The following IRF1 variants were observed in gnomAD, a reference collection of about 807,000 sequenced individuals.
IRF1 encodes the protein interferon regulatory factor 1.
A neutral mutation model predicts 43.7 loss-of-function variants in IRF1; 13 were observed. That is an observed-to-expected ratio of 0.30 (90% confidence interval 0.19 to 0.47). IRF1 has a LOEUF of 0.47. IRF1 is among the 20% of genes least tolerant of loss of function. The probability of loss-of-function intolerance (pLI) is 0.99; values close to 1 mark genes in which losing one functional copy is unlikely to be tolerated. For missense variants in IRF1, 236 were observed against 408.9 expected, an observed-to-expected ratio of 0.58 and a Z score of 3.65; for synonymous variants, 138 against 146.8, an observed-to-expected ratio of 0.94 and a Z score of 0.43.
intron 3 of IRF1, chr5:132,487,632 GC>G: frequency 2.2e-6 from 1 of 462,736 alleles, no homozygotes; most frequent in Non-Finnish European, 3.9e-6. Flanking sequence ...CTCTTTCAGT[GC>G]CCTGGCTTAC....
chr5:132,486,449 A>T lies in IRF1; in HGVS notation c.545-76T>A, dbSNP rs747780236. The T allele has an allele frequency of 6.8e-6, 11 of 1,610,054 alleles. No homozygotes were observed. In the South Asian group the frequency reaches 1.2e-4, roughly 18 times the overall value. The stretch of plus-strand genomic sequence containing the variant: ...CAAGACATCGAGCGCCCTCCGACCA[A>T]CCCTGCAGCCTGCACTAATGGGCCA... On this transcript the variant is annotated intron_variant, in intron 6 of 9. Coordinates refer to ENST00000245414, the MANE Select transcript of IRF1 (RefSeq NM_002198.3).
rs1043631618 is a variant in IRF1, at chr5:132,483,400, G to C, written c.*551C>G. 4 of 153,072 alleles carry C rather than the reference G, an allele frequency of 2.6e-5. No individual in the cohort carries two copies. Among genetic ancestry groups the C allele is most frequent in the African/African-American group, 9.6e-5 (4 of 41,462 alleles). The allele number at this position is 153,072 out of a possible 1,614,324, so 9.5% of individuals were successfully genotyped here. A position where few individuals can be genotyped will look rare whatever the true frequency, so the allele number is the denominator to read the frequency against. On this transcript the variant is annotated 3_prime_UTR_variant, in exon 10 of 10. Transcript: ENST00000245414. ...CCAAGCCCCTCAGCCAAAGCAGGGA[G>C]CAGGGTAGAGCTCCTCTGAGGCTGA... is the stretch of plus-strand genomic sequence containing the variant.
At position 132,489,404 on chromosome 5, in the gene IRF1, G is replaced by T. The variant is rs780112343; in HGVS notation, c.75C>A (p.Ile25=). ...GAGTTACACTCACTTTATTAATCCA[G>T]ATGAGCCCCGGGATTTGGTTGGAAT... ...QINSNQIPGL[I]WINKEEMIFQ... is the part of the protein sequence containing the mutation. Residue 25 remains isoleucine (I), a synonymous_variant, in exon 2 of 10, where the codon ATC becomes ATA. Coordinates refer to ENST00000245414, the MANE Select transcript of IRF1 (RefSeq NM_002198.3). The T allele has an allele frequency of 1.2e-6, 2 of 1,613,350 alleles. No individual in the cohort carries two copies. Among genetic ancestry groups the T allele is most frequent in the South Asian group, 2.2e-5 (2 of 91,064 alleles).
chr5:132,481,965 C>T lies in IRF1; in HGVS notation c.*1986G>A, dbSNP rs991850830. ...ATCAACTGACAGCCCTGGTGATAGT[C>T]AAGGACAGGTGACTATGTTTATATA... On this transcript the variant is annotated 3_prime_UTR_variant, in exon 10 of 10. Transcript: ENST00000245414. 11 of 152,484 alleles carry T rather than the reference C, an allele frequency of 7.2e-5. No individual in the cohort carries two copies. The highest frequency in any genetic ancestry group is 2.6e-4 in the African/African-American group (11 of 41,578). 9.4% of individuals were successfully genotyped at this position (152,484 alleles called of 1,614,324 possible). A position where few individuals can be genotyped will look rare whatever the true frequency, so the allele number is the denominator to read the frequency against.
At position 132,488,025 on chromosome 5, in the gene IRF1, C is replaced by T. The variant is rs1457620080; in HGVS notation, c.88G>A (p.Glu30Lys). Residue 30 changes from glutamate (E) to lysine (K), a missense_variant and splice_region_variant, in exon 3 of 10, where the codon GAG (glutamate) becomes AAG (lysine). Around this residue, in one of 2 missense-constraint regions of IRF1, gnomAD observed 66 missense variants for 157.1 expected, o/e 0.42. Coordinates refer to ENST00000245414, the MANE Select transcript of IRF1 (RefSeq NM_002198.3). The stretch of plus-strand genomic sequence containing the variant: ...CATGGGATCTGGAAGATCATCTCCT[C>T]CTGAACAATACACACATACACATAA... Reference protein sequence around the residue: ...QIPGLIWINKEEMIFQIPWKH... With the variant: ...QIPGLIWINKKEMIFQIPWKH... 1 of 1,607,530 alleles carries T rather than the reference C, an allele frequency of 6.2e-7. No homozygotes were observed. Among genetic ancestry groups the T allele is most frequent in the Non-Finnish European group, 8.5e-7 (1 of 1,174,994 alleles).
chr5:132,489,760 G>C (rs1754652082), intron 1 of IRF1: 1 of 341,936 alleles, frequency 2.9e-6, no homozygotes, highest in African/African-American at 2.0e-5. Flanking sequence ...TCATATGCAG[G>C]AAAAGAGACA....
chr5:132,487,397 T>C, intron 3 of IRF1: 1 of 492,510 alleles, frequency 2.0e-6, no homozygotes. Context: ...CCCCAAAGTG[T>C]ACTATCTGTG....
chr5:132,484,351 G>A lies in IRF1; in HGVS notation c.853+11C>T, dbSNP rs781298297. ...CATCTAAGAAGCCATAAGGATCCAG[G>A]GCCTTCTTACCCCCTGGGCTGTCAA... On this transcript the variant is annotated intron_variant, in intron 9 of 9. Coordinates refer to ENST00000245414, the MANE Select transcript of IRF1 (RefSeq NM_002198.3). The A allele has an allele frequency of 6.8e-6, 11 of 1,613,574 alleles. No homozygotes were observed. The highest frequency in any genetic ancestry group is 8.5e-6 in the Non-Finnish European group (10 of 1,179,796).
Position 132,488,041 on chromosome 5 carries a change from A to AGCCTTATGTGTATGTGTGTAT in IRF1, c.88-17_88-16insATACACACATACACATAAGGC. 1 of 1,574,704 alleles carries AGCCTTATGTGTATGTGTGTAT rather than the reference A, an allele frequency of 6.4e-7. No homozygotes were observed. Among genetic ancestry groups the AGCCTTATGTGTATGTGTGTAT allele is most frequent in the Non-Finnish European group, 8.7e-7 (1 of 1,145,468 alleles). On this transcript the variant is annotated splice_polypyrimidine_tract_variant and intron_variant, in intron 2 of 9. Transcript: ENST00000245414. Reference sequence around the variant, plus strand: ...TCATCTCCTCCTGAACAATACACACATACACATAAGGCTGTGTCAGGTCAG... The same window carrying AGCCTTATGTGTATGTGTGTAT: ...TCATCTCCTCCTGAACAATACACACAGCCTTATGTGTATGTGTGTATTACACATAAGGCTGTGTCAGGTCAG...
At chr5:132,485,989 G>A (rs937529482) in intron 7 of IRF1, 2 of 600,708 alleles carry the variant, frequency 3.3e-6, no homozygotes, top group Non-Finnish European at 5.9e-6. Context: ...GGGCTACAGA[G>A]GAGGAAGGAG....
chr5:132,485,894 C>G (rs79452489), intron 7 of IRF1, 178 bp from the exon 8 acceptor site: 62 of 622,604 alleles, frequency 1.0e-4, no homozygotes, highest in South Asian at 8.8e-4. Flanking sequence ...AGAACAGGAC[C>G]CTGGCCTGGT....
intron 8 of IRF1, chr5:132,485,207 C>T (rs186658090): frequency 1.8e-3 from 295 of 162,002 alleles, no homozygotes; most frequent in Admixed American, 5.5e-3. Flanking sequence ...CCACTGCCCC[C>T]GGCTGCAAAA....
rs781296212 is a variant in IRF1, at chr5:132,487,935, T to C, written c.178A>G (p.Ile60Val). The change falls in exon 3 of 10, where the codon ATT (isoleucine) becomes GTT (valine). Residue 60 changes from isoleucine to valine, a missense_variant. Physicochemically the swap from Ile to Val is conservative, Grantham distance 29. This residue lies in a region of IRF1 where 66 missense variants were observed against 157.1 expected (regional missense o/e 0.42). Transcript: ENST00000245414. ...AGTCCCAGGCACACACCTGTGTGAA[T>C]GGCCCAGCTCCGGAACAAACAGGCA... ...KDACLFRSWAIHTGRYKAGEK... is the reference protein window; with the variant it reads ...KDACLFRSWAVHTGRYKAGEK... 4 of 1,613,134 alleles carry C rather than the reference T, an allele frequency of 2.5e-6. No homozygotes were observed. Among genetic ancestry groups the C allele is most frequent in the Middle Eastern group, 1.7e-4 (1 of 6,060 alleles).
In IRF1 at chr5:132,489,469, T is replaced by G. The variant is rs746902460; in HGVS notation, c.10A>C (p.Thr4Pro). 1 of 1,613,256 alleles carries G rather than the reference T, an allele frequency of 6.2e-7. No individual in the cohort carries two copies. Among genetic ancestry groups the G allele is most frequent in the South Asian group, 1.1e-5 (1 of 91,066 alleles). The change falls in exon 2 of 10, where the codon ACT (threonine) becomes CCT (proline). Residue 4 changes from threonine to proline, a missense_variant. This residue lies in a region of IRF1 where 66 missense variants were observed against 157.1 expected (regional missense o/e 0.42). Transcript: ENST00000245414. MPI[T>P]RMRMRPWLEM... ...AGCCAGGGTCTCATGCGCATCCGAG[T>G]GATGGGCATGTTGGCTGTAAAGAGA...
At chr5:132,488,200 A>C in intron 2 of IRF1, 175 bp from the exon 3 acceptor site, 1 of 588,656 alleles carries the variant, frequency 1.7e-6, no homozygotes, top group Admixed American at 2.9e-5. Flanking sequence ...TAAACAGACC[A>C]CTCTGGATCT....
At chr5:132,489,702 C>T (rs969159303) in intron 1 of IRF1, 1 of 495,562 alleles carries the variant, frequency 2.0e-6, no homozygotes, top group African/African-American at 1.9e-5. Flanking sequence ...TCAGCCCCTC[C>T]CAGCCAGTCT....
chr5:132,486,273 T>G lies in IRF1; in HGVS notation c.645A>C (p.Ser215=). The change falls in exon 7 of 10, where the codon TCA becomes TCC. Residue 215 remains serine (S), a synonymous_variant. Coordinates refer to ENST00000245414, the MANE Select transcript of IRF1 (RefSeq NM_002198.3). ...AACCTTCAGAGGTGGAGGGCATGGG[T>G]GACACCTGGAAGTTGTACAGATCAC... is the stretch of plus-strand genomic sequence containing the variant. ...STSDLYNFQV[S]PMPSTSEATT... 6.2e-7 allele frequency: 1 copy of G among 1,613,412 alleles called. No homozygotes were observed. Among genetic ancestry groups the G allele is most frequent in the Non-Finnish European group, 8.5e-7 (1 of 1,179,966 alleles).
intron 7 of IRF1, 118 bp from the exon 8 acceptor site, chr5:132,485,834 C>T (rs1754509065): frequency 3.0e-6 from 2 of 671,038 alleles, no homozygotes; most frequent in South Asian, 3.2e-5. Flanking sequence ...CTCTGACACA[C>T]ACACACACAC....
At chr5:132,489,335 C>A in intron 2 of IRF1, 57 bp downstream of exon 2, 1 of 1,287,340 alleles carries the variant, frequency 7.8e-7, no homozygotes, top group African/African-American at 1.5e-5. Flanking sequence ...AGCTTTGGTC[C>A]CTCCAGAAGT....
Sources: allele counts gnomAD v4.1 joint callset, GRCh38; gene constraint gnomAD v4.1.1; regional missense constraint gnomAD v4.1.1; transcripts MANE v1.5; gene names NCBI Gene and HGNC (gene_info 2026-07-23, HGNC 2026-07-21).